DLGAP1: variants seen among roughly 807,000 people sequenced by gnomAD.
DLGAP1 encodes disks large-associated protein 1.
A neutral mutation model predicts 90.8 loss-of-function variants in DLGAP1; 11 were observed. That is an observed-to-expected ratio of 0.12 (90% confidence interval 0.08 to 0.20). The LOEUF (loss-of-function observed/expected upper bound fraction) is 0.20. DLGAP1 is among the 10% of genes least tolerant of loss of function. The pLI is 1.00. For missense variants in DLGAP1, 1,050 were observed against 1,333.8 expected (o/e 0.79, Z 3.31); for synonymous variants, 558 against 540.7 (o/e 1.03, Z -0.44).
At chr18:4,182,999 A>C (rs1360934553) in intron 1 of DLGAP1, among the ~76,000 whole-genome samples, 7 of 152,188 alleles carry the variant, frequency 4.6e-5, no homozygotes, top group Non-Finnish European at 1.0e-4. Context: ...TTAAAATGGC[A>C]ATTATAAACA....
chr18:3,572,679 A>C (rs1023594964), intron 8 of DLGAP1, among the ~76,000 whole-genome samples: 1 of 152,120 alleles, frequency 6.6e-6, no homozygotes, highest in African/African-American at 2.4e-5. Flanking sequence ...CAAACTCCTG[A>C]TCTCAAGTGA....
Position 3,582,112 on chromosome 18 carries a change from C to G in DLGAP1, c.1728G>C (p.Gln576His), listed in dbSNP as rs765088053. 1 of 1,613,974 alleles carries G rather than the reference C, an allele frequency of 6.2e-7. No homozygotes were observed. The change falls in exon 8 of 13, where the codon CAG becomes CAC. Residue 576 changes from glutamine (Q) to histidine (H), a missense_variant. Physicochemically the swap from Gln to His is conservative, Grantham distance 24. Coordinates refer to ENST00000315677, the MANE Select transcript of DLGAP1 (RefSeq NM_004746.4). Reference protein sequence around the residue: ...AQDAYMDGQGQRGDIISQSGL... With the variant: ...AQDAYMDGQGHRGDIISQSGL... ...CAGACTGGCTGATAATATCTCCTCG[C>G]TGGCCCTGTCCGTCCATGTAGGCAT...
chr18:3,521,778 C>A (rs1325695521), intron 10 of DLGAP1, among the ~76,000 whole-genome samples: 1 of 152,198 alleles, frequency 6.6e-6, no homozygotes, highest in East Asian at 1.9e-4. Context: ...TAACTAACTC[C>A]TATTATCTCC....
rs1377674433 is a variant in DLGAP1, at chr18:3,879,829, C to G, written c.240G>C (p.Glu80Asp). 1.2e-6 allele frequency: 2 copies of G among 1,609,058 alleles called. No individual in the cohort carries two copies. The highest frequency in any genetic ancestry group is 8.5e-7 in the Non-Finnish European group (1 of 1,179,846). ...FPRRHYTSQQ[E>D]LKDECALVPR... ...GCACCAGGGCACACTCGTCCTTCAG[C>G]TCTTGCTGCGAGGTGTAGTGCCTGC... Residue 80 changes from glutamate to aspartate, a missense_variant, in exon 4 of 13, where the codon GAG (glutamate) becomes GAC (aspartate). By Grantham distance (45) the Glu-to-Asp change is conservative. Around this residue, in one of 2 missense-constraint regions of DLGAP1, gnomAD observed 485 missense variants for 454.1 expected, o/e 1.07. Transcript: ENST00000315677. The surrounding 1 kb of genome is among the most constrained non-coding windows in gnomAD (Gnocchi z 6.6).
At chr18:4,381,568 C>T (rs778226637) in intron 1 of DLGAP1, among the ~76,000 whole-genome samples, 9 of 152,104 alleles carry the variant, frequency 5.9e-5, no homozygotes, top group Non-Finnish European at 1.2e-4. Flanking sequence ...TCCTGCTTTT[C>T]CTTTCTGTTA....
intron 1 of DLGAP1, among the ~76,000 whole-genome samples, chr18:4,263,505 T>C (rs1485743457): frequency 6.6e-6 from 1 of 152,204 alleles, no homozygotes; most frequent in African/African-American, 2.4e-5. Context: ...AAAAAGACTT[T>C]ATGAATAGTC....
chr18:3,768,481 A>G (rs529188005), intron 5 of DLGAP1, among the ~76,000 whole-genome samples: 1 of 152,282 alleles, frequency 6.6e-6, no homozygotes, highest in South Asian at 2.1e-4. Context: ...TCAAAGGAAC[A>G]AGAATAGCTA....
At position 4,049,836 on chromosome 18, in the gene DLGAP1, G is replaced by A. The variant is rs114229804; in HGVS notation, c.-158-44635C>T. ...CATCTTTCCATCCATCCATCCATCC[G>A]CTCACCTACCCAAACACCTACCTAC... is the stretch of plus-strand genomic sequence containing the variant. On this transcript the variant is annotated intron_variant, in intron 2 of 12. Transcript: ENST00000315677. Among the ~76,000 whole-genome samples, 987 of 150,758 alleles carry A rather than the reference G, an allele frequency of 6.5e-3. 13 individuals carry two copies. The highest frequency in any genetic ancestry group is 0.022 in the African/African-American group (893 of 41,010).
At chr18:3,590,707 T>C (rs868294222) in intron 7 of DLGAP1, among the ~76,000 whole-genome samples, 8 of 151,916 alleles carry the variant, frequency 5.3e-5, no homozygotes, top group Non-Finnish European at 4.4e-5. Context: ...ATACAAAAAT[T>C]AGCCGGGGGT....
intron 1 of DLGAP1, among the ~76,000 whole-genome samples, chr18:4,189,868 G>C (rs556204804): frequency 6.6e-6 from 1 of 152,218 alleles, no homozygotes; most frequent in South Asian, 2.1e-4. Context: ...AGAAAAGATA[G>C]ACTGGACCTC....
intron 3 of DLGAP1, chr18:3,983,111 A>G (rs2073771379): frequency 1.3e-5 from 2 of 152,226 alleles, no homozygotes; most frequent in South Asian, 4.1e-4. Context: ...GAAAATATTT[A>G]TTTTTTAGAT....
intron 7 of DLGAP1, among the ~76,000 whole-genome samples, chr18:3,696,976 A>G (rs1218022053): frequency 6.6e-6 from 1 of 152,040 alleles, no homozygotes. Flanking sequence ...TTTCTAGTTT[A>G]TTTGCGTAGA....
In DLGAP1 at chr18:4,289,190, C is replaced by A. The variant is rs141059458; in HGVS notation, c.-266-137903G>T. The stretch of plus-strand genomic sequence containing the variant: ...AAGGACTGGCTGAATGAAGATGGGG[C>A]CAGATTTTTCTTATGTGCCATTGTT... On this transcript the variant is annotated intron_variant, in intron 1 of 12. Transcript: ENST00000315677. Among the ~76,000 whole-genome samples the A allele has an allele frequency of 4.8e-3, 733 of 152,150 alleles. 2 individuals are homozygous for A. The highest frequency in any genetic ancestry group is 8.5e-3 in the Non-Finnish European group (579 of 67,986).
At chr18:3,972,524 T>TC (rs1568327634) in intron 3 of DLGAP1, among the ~76,000 whole-genome samples, 1 of 102,272 alleles carries the variant, frequency 9.8e-6, no homozygotes, top group Non-Finnish European at 2.2e-5. Flanking sequence ...CTCTCTCTCT[T>TC]TCTTTCTTTC....
chr18:3,625,119 CCT>C (rs2058244021), intron 7 of DLGAP1, among the ~76,000 whole-genome samples: 1 of 152,230 alleles, frequency 6.6e-6, no homozygotes, highest in Non-Finnish European at 1.5e-5. Flanking sequence ...GTCCCTCATT[CCT>C]CTCTCCCGAG....
At chr18:4,121,680 T>C (rs1263709429) in intron 2 of DLGAP1, among the ~76,000 whole-genome samples, 1 of 152,134 alleles carries the variant, frequency 6.6e-6, no homozygotes, top group Non-Finnish European at 1.5e-5. Flanking sequence ...CACTTGCTCA[T>C]GCCATACTCA....
chr18:3,796,062 A>G (rs1195180602), intron 5 of DLGAP1, among the ~76,000 whole-genome samples: 1 of 152,184 alleles, frequency 6.6e-6, no homozygotes, highest in African/African-American at 2.4e-5. Flanking sequence ...GCCAATTAGT[A>G]GCCAGGTTTC....
chr18:4,244,929 T>C (rs118166659), intron 1 of DLGAP1, among the ~76,000 whole-genome samples: 2 of 152,208 alleles, frequency 1.3e-5, no homozygotes, highest in East Asian at 1.9e-4. Context: ...CAAGTGTCTA[T>C]TAGTACATTT....
intron 6 of DLGAP1, among the ~76,000 whole-genome samples, chr18:3,737,232 A>G (rs1347208126): frequency 1.3e-5 from 2 of 152,034 alleles, no homozygotes; most frequent in Admixed American, 1.3e-4. Context: ...AACTATTCCA[A>G]TCACTAGAAA....
Sources: allele counts gnomAD v4.1 joint callset (sites outside exome capture counted in the v4.1 genomes callset), GRCh38; gene constraint gnomAD v4.1.1; regional missense constraint gnomAD v4.1.1; non-coding constraint Gnocchi (gnomAD v3.1); transcripts MANE v1.5; gene names NCBI Gene and HGNC (gene_info 2026-07-23, HGNC 2026-07-21).